RSRC1: variants seen among roughly 807,000 people sequenced by gnomAD.
RSRC1 encodes the protein arginine and serine rich coiled-coil 1, also known as serine/Arginine-related protein 53.
Under a neutral mutation model 49.1 loss-of-function variants are expected in RSRC1, and 39 were observed. That is an observed-to-expected ratio of 0.79 (90% CI 0.61 to 1.04). RSRC1 has a LOEUF of 1.04. Among genes scored for constraint, RSRC1 ranks in the 50% least tolerant of loss-of-function variants. The pLI, the probability that RSRC1 is intolerant of heterozygous loss-of-function variation, is 0.00. For missense variants in RSRC1, 388 were observed against 402.4 expected, an observed-to-expected ratio of 0.96 and a Z score of 0.31; for synonymous variants, 143 against 130.8, an observed-to-expected ratio of 1.09 and a Z score of -0.63.
intron 7 of RSRC1, among the ~76,000 whole-genome samples, chr3:158,483,988 G>A (rs1219338094): frequency 6.6e-6 from 1 of 152,062 alleles, no homozygotes. Flanking sequence ...ACTGAAATCT[G>A]TGCGGACGCT....
chr3:158,257,075 G>C (rs1287808966), intron 4 of RSRC1, among the ~76,000 whole-genome samples: 1 of 151,652 alleles, frequency 6.6e-6, no homozygotes, highest in African/African-American at 2.4e-5. Context: ...TATCTCCTTT[G>C]GTTCTGCTCT....
At chr3:158,301,991 G>GTTTTTTT (rs35843326) in intron 5 of RSRC1, among the ~76,000 whole-genome samples, 1 of 142,788 alleles carries the variant, frequency 7.0e-6, no homozygotes, top group Non-Finnish European at 1.5e-5. Flanking sequence ...GGGTTTTTTT[G>GTTTTTTT]TTTTTTTTTT....
intron 3 of RSRC1, among the ~76,000 whole-genome samples, chr3:158,183,307 G>C (rs1663810469): frequency 6.6e-6 from 1 of 151,780 alleles, no homozygotes; most frequent in Admixed American, 6.6e-5. Flanking sequence ...TCAATGCTAA[G>C]TTCAACTAAA....
intron 4 of RSRC1, among the ~76,000 whole-genome samples, chr3:158,284,964 T>A (rs1394946105): frequency 6.6e-6 from 1 of 152,218 alleles, no homozygotes; most frequent in Admixed American, 6.5e-5. Context: ...ATGAAGTCCT[T>A]ACTCATGCCT....
intron 8 of RSRC1, among the ~76,000 whole-genome samples, chr3:158,542,345 A>G (rs1381602718): frequency 6.6e-6 from 1 of 152,222 alleles, no homozygotes; most frequent in Non-Finnish European, 1.5e-5. Flanking sequence ...ACCCTGGCCA[A>G]CATGGCAAGA....
chr3:158,379,077 C>T (rs557156406), intron 6 of RSRC1, among the ~76,000 whole-genome samples: 1 of 151,714 alleles, frequency 6.6e-6, no homozygotes, highest in Admixed American at 6.5e-5. Flanking sequence ...CCATCTCTCA[C>T]CTGAATTTGT....
At chr3:158,127,930 C>G (rs1715740235) in intron 3 of RSRC1, among the ~76,000 whole-genome samples, 2 of 152,114 alleles carry the variant, frequency 1.3e-5, no homozygotes, top group South Asian at 4.1e-4. Context: ...ATCATTCCCT[C>G]TGGCACCTCT....
chr3:158,284,983 A>T (rs1431812390), intron 4 of RSRC1, among the ~76,000 whole-genome samples: 2 of 152,074 alleles, frequency 1.3e-5, no homozygotes, highest in Non-Finnish European at 2.9e-5. Flanking sequence ...CTATGTCCTG[A>T]ATGGTATTGC....
chr3:158,354,714 G>GTGA, intron 5 of RSRC1, 143 bp from the exon 6 acceptor site: 1 of 613,258 alleles, frequency 1.6e-6, no homozygotes, highest in South Asian at 2.4e-5. Context: ...AGTGCAAGAT[G>GTGA]TGATGGATTT....
At chr3:158,174,613 A>C (rs1005053881) in intron 3 of RSRC1, among the ~76,000 whole-genome samples, 3 of 151,934 alleles carry the variant, frequency 2.0e-5, no homozygotes, top group Non-Finnish European at 2.9e-5. Flanking sequence ...ACATAAATGC[A>C]CTCATTACAT....
intron 4 of RSRC1, among the ~76,000 whole-genome samples, chr3:158,217,584 A>T (rs1722016345): frequency 6.6e-6 from 1 of 151,548 alleles, no homozygotes; most frequent in Non-Finnish European, 1.5e-5. Flanking sequence ...TCCCACATGC[A>T]GGAACAGTGA....
chr3:158,157,503 T>C (rs116460085), intron 3 of RSRC1, among the ~76,000 whole-genome samples: 169 of 152,282 alleles, frequency 1.1e-3, no homozygotes, highest in African/African-American at 4.0e-3. Context: ...GTTGGTAGAG[T>C]AATCCCTGCC....
intron 4 of RSRC1, among the ~76,000 whole-genome samples, chr3:158,281,457 G>T (rs1198382139): frequency 6.6e-6 from 1 of 152,068 alleles, no homozygotes. Flanking sequence ...TGTGTGTGAG[G>T]GTGAGATGGA....
Position 158,269,346 on chromosome 3 carries a change from G to A in RSRC1, c.495-28693G>A, listed in dbSNP as rs1289348937. On this transcript the variant is annotated intron_variant, in intron 4 of 9. Transcript: ENST00000611884. Reference sequence around the variant, plus strand: ...GTGGTAAGCCTAATGTTAGTTTATGGTGTATGATATATGAGAATCTTCTTG... The same window carrying A: ...GTGGTAAGCCTAATGTTAGTTTATGATGTATGATATATGAGAATCTTCTTG... Among the ~76,000 whole-genome samples the A allele has an allele frequency of 2.6e-5, 4 of 152,162 alleles. No homozygotes were observed. The East Asian group carries it at 7.7e-4, about 29-fold the overall frequency.
intron 4 of RSRC1, among the ~76,000 whole-genome samples, chr3:158,231,598 G>C (rs141548311): frequency 2.1e-4 from 32 of 152,208 alleles, no homozygotes; most frequent in African/African-American, 7.0e-4. Flanking sequence ...TCCAGGATTG[G>C]ACAAGGTCTA....
At chr3:158,252,533 GAT>G (rs1724282686) in intron 4 of RSRC1, among the ~76,000 whole-genome samples, 1 of 152,158 alleles carries the variant, frequency 6.6e-6, no homozygotes, top group African/African-American at 2.4e-5. Flanking sequence ...GTTCATCAGG[GAT>G]ATTGGTCTGT....
intron 4 of RSRC1, among the ~76,000 whole-genome samples, chr3:158,236,693 C>T (rs1045759351): frequency 6.6e-6 from 1 of 152,124 alleles, no homozygotes; most frequent in African/African-American, 2.4e-5. Context: ...GAATGAACCA[C>T]AATTTATTCT....
intron 6 of RSRC1, among the ~76,000 whole-genome samples, chr3:158,415,422 G>T (rs1734690643): frequency 6.6e-6 from 1 of 151,672 alleles, no homozygotes; most frequent in African/African-American, 2.4e-5. Context: ...AATGTAATAG[G>T]TTTTGTTTAG....
chr3:158,461,437 A>G (rs1420466536), intron 7 of RSRC1, among the ~76,000 whole-genome samples: 3 of 151,844 alleles, frequency 2.0e-5, no homozygotes, highest in Non-Finnish European at 4.4e-5. Flanking sequence ...GTCATATGAA[A>G]TCCATGTCTT....
Sources: gnomAD v4.1 joint callset for allele counts (sites outside exome capture counted in the v4.1 genomes callset) on GRCh38, gnomAD v4.1.1 for gene constraint, MANE v1.5 for transcripts, NCBI Gene and HGNC (gene_info 2026-07-23, HGNC 2026-07-21) for gene names.